Variants in KDM4B observed in about 807,000 individuals in gnomAD.
The protein encoded by KDM4B is lysine-specific demethylase 4B.
In KDM4B, 32 loss-of-function variants were observed where a neutral mutation model predicts 125.2. The ratio of observed to expected loss-of-function variants is 0.26; its 90% CI spans 0.19 to 0.34. The LOEUF is 0.34. Ranked by LOEUF, KDM4B falls within the 10% of genes least tolerant of loss-of-function variation. The pLI, the probability that KDM4B is intolerant of heterozygous loss-of-function variation, is 1.00. For synonymous variants in KDM4B, 721 were observed against 677.9 expected (o/e 1.06, Z -0.99); for missense variants, 1,190 against 1,577.7 (o/e 0.75, Z 4.16).
intron 1 of KDM4B, among the ~76,000 whole-genome samples, chr19:4,994,565 CAAAAAAAAA>C (rs397820720): frequency 1.3e-4 from 6 of 45,690 alleles, no homozygotes; most frequent in Non-Finnish European, 2.4e-4. Context: ...CTCTGTCTCT[CAAAAAAAAA>C]AAAAAAAAAA....
intron 1 of KDM4B, among the ~76,000 whole-genome samples, chr19:5,014,378 G>A (rs1020612567): frequency 2.0e-5 from 3 of 152,268 alleles, no homozygotes; most frequent in South Asian, 2.1e-4. Flanking sequence ...CTGGGTTCAC[G>A]CCATTCTCCT....
rs747869249 is a variant in KDM4B, at chr19:5,078,499, T to C, written c.780+1029T>C. On this transcript the variant is annotated intron_variant, in intron 8 of 22. Transcript: ENST00000159111. The surrounding 1 kb of genome is among the most constrained non-coding windows in gnomAD (Gnocchi z 4.5). ...ACAGCACAGATCTCGCTCGGAGAAG[T>C]GCGCATTTCCGGCCTTTCCTCTTCT... The C allele has an allele frequency of 2.0e-5, 3 of 152,004 alleles. No individual in the cohort carries two copies. Among genetic ancestry groups the C allele is most frequent in the Non-Finnish European group, 2.9e-5 (2 of 68,014 alleles). 9.4% of individuals were successfully genotyped at this position (152,004 alleles called of 1,614,324 possible).
At position 5,133,914 on chromosome 19, in the gene KDM4B, G is replaced by A; in HGVS notation, c.1938G>A (p.Val646=). The change falls in exon 14 of 23, where the codon GTG becomes GTA. Residue 646 remains valine, a synonymous_variant. Coordinates refer to ENST00000159111, the MANE Select transcript of KDM4B (RefSeq NM_015015.3). ...CCCCTTTCTCCGGGGAGGAAGATGT[G>A]AGTGACCCGGACGCCTTGAGGCCGC... ...EASPFSGEED[V]SDPDALRPLL... is the part of the protein sequence containing the mutation. 2.5e-6 allele frequency: 4 copies of A among 1,613,108 alleles called. No individual in the cohort carries two copies. Among genetic ancestry groups the A allele is most frequent in the South Asian group, 2.2e-5 (2 of 91,070 alleles).
chr19:5,000,349 C>T (rs1275514637), intron 1 of KDM4B, among the ~76,000 whole-genome samples: 2 of 151,670 alleles, frequency 1.3e-5, no homozygotes, highest in Non-Finnish European at 2.9e-5. Context: ...ATTCACCTAT[C>T]CATCCATCCA....
chr19:4,993,603 G>T (rs1568212706), intron 1 of KDM4B, among the ~76,000 whole-genome samples: 1 of 151,572 alleles, frequency 6.6e-6, no homozygotes, highest in Non-Finnish European at 1.5e-5. Context: ...TTTATCTCTA[G>T]TAACTTTTTT....
chr19:5,004,292 C>T (rs76960679), intron 1 of KDM4B, among the ~76,000 whole-genome samples: 9,432 of 152,248 alleles, frequency 0.062, 320 homozygotes, highest in Admixed American at 0.092. Context: ...TTCCACCATT[C>T]GTGTGCTCGG....
Position 5,013,618 on chromosome 19 carries a change from C to G in KDM4B, c.-108-2639C>G, listed in dbSNP as rs946601949. On this transcript the variant is annotated intron_variant, in intron 1 of 22. Transcript: ENST00000159111. ...CATCCCTCGGCTTGGGGCCCTTCCT[C>G]CCCCTTCACAGCCACAGCGCAGCGT... 3.3e-5 allele frequency among the ~76,000 whole-genome samples: 5 copies of G among 152,316 alleles called. 1 individual carries two copies. Among genetic ancestry groups the G allele is most frequent in the African/African-American group, 1.2e-4 (5 of 41,582 alleles).
At chr19:5,102,106 G>A (rs1366855547) in intron 9 of KDM4B, among the ~76,000 whole-genome samples, 1 of 152,172 alleles carries the variant, frequency 6.6e-6, no homozygotes, top group Non-Finnish European at 1.5e-5. Flanking sequence ...CATGAGGCGT[G>A]GGGTGCGTGC....
At chr19:4,976,977 T>C (rs1413878149) in intron 1 of KDM4B, among the ~76,000 whole-genome samples, 3 of 152,272 alleles carry the variant, frequency 2.0e-5, no homozygotes, top group African/African-American at 7.2e-5. Context: ...TGGAGAGGCT[T>C]GCTCAGAATT....
chr19:5,114,385 C>T lies in KDM4B; in HGVS notation c.1115+3567C>T. 1 of 527,302 alleles carries T rather than the reference C, an allele frequency of 1.9e-6. No individual in the cohort carries two copies. Among genetic ancestry groups the T allele is most frequent in the Non-Finnish European group, 3.4e-6 (1 of 293,340 alleles). 32.7% of individuals were successfully genotyped at this position (527,302 alleles called of 1,614,324 possible). A position where few individuals can be genotyped will look rare whatever the true frequency, so the allele number is the denominator to read the frequency against. Reference sequence around the variant, plus strand: ...CTGCCTTGGCCTGTCGCCCCTGCGCCAGTGCAGGACACCGCCACGCCTCTG... The same window carrying T: ...CTGCCTTGGCCTGTCGCCCCTGCGCTAGTGCAGGACACCGCCACGCCTCTG... On this transcript the variant is annotated intron_variant, in intron 10 of 22. Coordinates refer to ENST00000159111, the MANE Select transcript of KDM4B (RefSeq NM_015015.3). This position sits in a 1 kb window ranked among gnomAD's most constrained non-coding sequence, Gnocchi z 5.8.
intron 9 of KDM4B, 37 bp from the exon 10 acceptor site, chr19:5,110,585 T>A: frequency 6.2e-7 from 1 of 1,608,208 alleles, no homozygotes; most frequent in Non-Finnish European, 8.5e-7. Flanking sequence ...GCCGTCCAGG[T>A]GTGGCGCGAG....
At chr19:5,089,793 C>A (rs1672733495) in intron 9 of KDM4B, among the ~76,000 whole-genome samples, 1 of 151,580 alleles carries the variant, frequency 6.6e-6, no homozygotes, top group Non-Finnish European at 1.5e-5. Context: ...CTAGGTGCTT[C>A]TTGAGCAAGC....
At chr19:5,132,277 C>G (rs1376011920) in intron 13 of KDM4B, among the ~76,000 whole-genome samples, 1 of 152,178 alleles carries the variant, frequency 6.6e-6, no homozygotes, top group Non-Finnish European at 1.5e-5. Flanking sequence ...GAGCTTGTAC[C>G]TCCCCATGGA....
At chr19:5,120,768 T>C (rs923667743) in intron 11 of KDM4B, among the ~76,000 whole-genome samples, 12 of 152,130 alleles carry the variant, frequency 7.9e-5, no homozygotes, top group African/African-American at 2.9e-4. Context: ...CTGGGAGCCC[T>C]TCCCTCTCCC....
At chr19:5,120,746 T>C (rs1176572377) in intron 11 of KDM4B, among the ~76,000 whole-genome samples, 1 of 152,184 alleles carries the variant, frequency 6.6e-6, no homozygotes, top group African/African-American at 2.4e-5. Flanking sequence ...TGTTCCCAGC[T>C]AGGGCTCCCC....
intron 1 of KDM4B, among the ~76,000 whole-genome samples, chr19:4,969,631 T>C (rs1446364127): frequency 6.6e-6 from 1 of 151,958 alleles, no homozygotes; most frequent in African/African-American, 2.4e-5. Flanking sequence ...ATTATTATTA[T>C]TATTTTTGAA....
At chr19:5,034,894 A>G (rs2145631103) in intron 3 of KDM4B, among the ~76,000 whole-genome samples, 1 of 152,230 alleles carries the variant, frequency 6.6e-6, no homozygotes. Context: ...TGCTGCGATC[A>G]CGGCTCACTG....
At chr19:5,108,915 C>A (rs2039086170) in intron 9 of KDM4B, among the ~76,000 whole-genome samples, 3 of 152,104 alleles carry the variant, frequency 2.0e-5, no homozygotes, top group African/African-American at 7.2e-5. Flanking sequence ...GTGCCTCTGC[C>A]CCCCACGCCC....
chr19:5,151,186 A>G, intron 22 of KDM4B, 149 bp from the exon 23 acceptor site: 1 of 668,756 alleles, frequency 1.5e-6, no homozygotes, highest in Non-Finnish European at 2.2e-6. Flanking sequence ...TCAGGGGTTT[A>G]CAAACACGAA....
Sources: gnomAD v4.1 joint callset for allele counts (sites outside exome capture counted in the v4.1 genomes callset) on GRCh38, gnomAD v4.1.1 for gene constraint, Gnocchi (gnomAD v3.1) non-coding constraint, MANE v1.5 for transcripts, NCBI Gene and HGNC (gene_info 2026-07-23, HGNC 2026-07-21) for gene names.